Variants in SETDB2 observed in about 807,000 individuals in gnomAD.
SETDB2 encodes the protein histone-lysine N-methyltransferase SETDB2.
Under a neutral mutation model 82.5 loss-of-function variants are expected in SETDB2, and 56 were observed. The observed-to-expected ratio is 0.68, with a 90% CI of 0.55 to 0.85. The LOEUF (loss-of-function observed/expected upper bound fraction) is 0.85, where lower values mean the gene tolerates loss of function less well. Among genes scored for constraint, SETDB2 ranks in the 40% least tolerant of loss-of-function variants. The pLI, the probability that SETDB2 is intolerant of heterozygous loss-of-function variation, is 0.00. For missense variants in SETDB2, 677 were observed against 816.4 expected (o/e 0.83, Z 2.08); for synonymous variants, 272 against 284.9 (o/e 0.95, Z 0.46).
Position 49,492,034 on chromosome 13 carries a change from C to T in SETDB2, c.*185C>T, listed in dbSNP as rs1384567785. The T allele has an allele frequency of 4.7e-6, 3 of 640,470 alleles. No individual in the cohort carries two copies. Among genetic ancestry groups the T allele is most frequent in the Non-Finnish European group, 8.5e-6 (3 of 352,612 alleles). 39.7% of individuals were successfully genotyped at this position (640,470 alleles called of 1,614,324 possible). On this transcript the variant is annotated 3_prime_UTR_variant, in exon 14 of 14. Transcript: ENST00000611815. ...GGAACACAATTAGGATATTTTCATA[C>T]ACATAGGGTATCTTGTTCACTGCTG...
chr13:49,483,436 T>TA (rs772467825), intron 9 of SETDB2, 28 bp from the exon 10 acceptor site: 1 of 927,986 alleles, frequency 1.1e-6, no homozygotes, highest in Admixed American at 2.8e-5. Flanking sequence ...TTTTTAGTGA[T>TA]ACAGAATAAC....
At chr13:49,489,596 C>CT (rs58715452) in intron 12 of SETDB2, among the ~76,000 whole-genome samples, 6,471 of 100,482 alleles carry the variant, frequency 0.064, 848 homozygotes, top group African/African-American at 0.17. Flanking sequence ...CATATTTATT[C>CT]TTTTTTTTTT....
rs1957789778 is a variant in SETDB2, at chr13:49,451,753, T to A, written c.-141T>A. 1 of 511,378 alleles carries A rather than the reference T, an allele frequency of 2.0e-6. No individual in the cohort carries two copies. Among genetic ancestry groups the A allele is most frequent in the Admixed American group, 4.1e-5 (1 of 24,502 alleles). The allele number at this position is 511,378 out of a possible 1,614,324, so 31.7% of individuals were successfully genotyped here. A position where few individuals can be genotyped will look rare whatever the true frequency, so the allele number is the denominator to read the frequency against. ...TTCAAGTATCAAAGGATACCAGGTT[T>A]AGAATGGTATAATGATGTATTTTGT... On this transcript the variant is annotated 5_prime_UTR_variant, in exon 2 of 14. Transcript: ENST00000611815.
Position 49,467,855 on chromosome 13 carries a change from T to A in SETDB2, c.209-9T>A, listed in dbSNP as rs754226402. ...GTATATTTGTTGCTCACATTATTTT[T>A]TTGTGTAGATCCTATGCCTGTGACT... is the stretch of plus-strand genomic sequence containing the variant. On this transcript the variant is annotated splice_polypyrimidine_tract_variant and intron_variant, in intron 4 of 13. Transcript: ENST00000611815. 9 of 1,592,508 alleles carry A rather than the reference T, an allele frequency of 5.7e-6. No homozygotes were observed. Among genetic ancestry groups the A allele is most frequent in the Non-Finnish European group, 7.7e-6 (9 of 1,170,870 alleles).
intron 5 of SETDB2, 114 bp from the exon 6 acceptor site, chr13:49,476,362 T>C: frequency 1.4e-6 from 1 of 740,098 alleles, no homozygotes; most frequent in Non-Finnish European, 2.2e-6. Context: ...ATGTGTATCT[T>C]AGAGTCTGGC....
At chr13:49,459,486 T>C (rs1957951895) in intron 2 of SETDB2, among the ~76,000 whole-genome samples, 1 of 152,230 alleles carries the variant, frequency 6.6e-6, no homozygotes, top group African/African-American at 2.4e-5. Flanking sequence ...TTTGTTACTT[T>C]TAAACGCGAA....
chr13:49,470,935 TG>T (rs1335196522), intron 5 of SETDB2, among the ~76,000 whole-genome samples: 1 of 147,288 alleles, frequency 6.8e-6, no homozygotes, highest in Non-Finnish European at 1.5e-5. Flanking sequence ...GGTGTTTTTT[TG>T]TGGGGTTTTT....
In SETDB2 at chr13:49,444,458, G is replaced by A. The variant is rs1184593830; in HGVS notation, c.-741G>A. 5.6e-6 allele frequency: 1 copy of A among 179,154 alleles called. No individual in the cohort carries two copies. Among genetic ancestry groups the A allele is most frequent in the Non-Finnish European group, 1.2e-5 (1 of 81,966 alleles). 11.1% of individuals were successfully genotyped at this position (179,154 alleles called of 1,614,324 possible). A position where few individuals can be genotyped will look rare whatever the true frequency, so the allele number is the denominator to read the frequency against. ...CCCAGCCTTGCCAACGGAGCTGGCG[G>A]AGCTCACTCCTCAGGTCAGGCGGGC... is the stretch of plus-strand genomic sequence containing the variant. On this transcript the variant is annotated 5_prime_UTR_variant, in exon 1 of 14. Coordinates refer to ENST00000611815, the MANE Select transcript of SETDB2 (RefSeq NM_001160308.3).
intron 5 of SETDB2, 119 bp from the exon 6 acceptor site, chr13:49,476,357 T>A (rs1958361587): frequency 1.4e-6 from 1 of 710,274 alleles, no homozygotes; most frequent in Non-Finnish European, 2.3e-6. Flanking sequence ...TTAAAATGTG[T>A]ATCTTAGAGT....
At position 49,460,251 on chromosome 13, in the gene SETDB2, T is replaced by C; in HGVS notation, c.142+19T>C. ...AATAAAGGTATGAAGCAATAAAAAC[T>C]TTGAATATGTTTAATACTAAATATT... On this transcript the variant is annotated intron_variant, in intron 3 of 13. Transcript: ENST00000611815. 6.2e-7 allele frequency: 1 copy of C among 1,607,782 alleles called. No homozygotes were observed. Among genetic ancestry groups the C allele is most frequent in the Non-Finnish European group, 8.5e-7 (1 of 1,177,982 alleles).
intron 4 of SETDB2, among the ~76,000 whole-genome samples, chr13:49,463,455 T>C (rs1469828379): frequency 6.6e-6 from 1 of 152,148 alleles, no homozygotes; most frequent in Admixed American, 6.6e-5. Context: ...AAGACAGCAC[T>C]TGACTTTTAT....
chr13:49,491,959 T>C lies in SETDB2; in HGVS notation c.*110T>C. On this transcript the variant is annotated 3_prime_UTR_variant, in exon 14 of 14. Transcript: ENST00000611815. Reference sequence around the variant, plus strand: ...AATTCCCCTCCGTTTTCCTTTGTCATGGGGTTTATGTTTTATTTCAGATTT... The same window carrying C: ...AATTCCCCTCCGTTTTCCTTTGTCACGGGGTTTATGTTTTATTTCAGATTT... The C allele has an allele frequency of 1.3e-6, 1 of 786,374 alleles. No homozygotes were observed. 48.7% of individuals were successfully genotyped at this position (786,374 alleles called of 1,614,324 possible).
intron 12 of SETDB2, 42 bp from the exon 13 acceptor site, chr13:49,490,779 CT>C: frequency 6.9e-7 from 1 of 1,453,368 alleles, no homozygotes; most frequent in Non-Finnish European, 9.6e-7. Context: ...AGGCATCAGA[CT>C]TTATGCTATT....
intron 4 of SETDB2, among the ~76,000 whole-genome samples, chr13:49,464,217 T>G (rs1958055813): frequency 6.6e-6 from 1 of 152,316 alleles, no homozygotes; most frequent in South Asian, 2.1e-4. Flanking sequence ...CTTCCTCTGC[T>G]CTCCCTGATT....
rs1185302077 is a variant in SETDB2, at chr13:49,492,472, G to A, written c.*623G>A. ...AAGATTCTGGCAAGCTCTTTGAAAT[G>A]AGTCTTCTTTCCCACAGATTTTCTC... On this transcript the variant is annotated 3_prime_UTR_variant, in exon 14 of 14. Coordinates refer to ENST00000611815, the MANE Select transcript of SETDB2 (RefSeq NM_001160308.3). 1 of 152,500 alleles carries A rather than the reference G, an allele frequency of 6.6e-6. No individual in the cohort carries two copies. Among genetic ancestry groups the A allele is most frequent in the East Asian group, 1.9e-4 (1 of 5,204 alleles). 9.4% of individuals were successfully genotyped at this position (152,500 alleles called of 1,614,324 possible).
intron 4 of SETDB2, chr13:49,463,930 A>G (rs1479887523): frequency 2.0e-5 from 14 of 702,962 alleles, no homozygotes; most frequent in South Asian, 1.2e-4. Context: ...GGCTGTGCCT[A>G]TTGCTGCCTC....
In SETDB2 at chr13:49,451,800, G is replaced by T; in HGVS notation, c.-94G>T. The T allele has an allele frequency of 1.0e-6, 1 of 958,250 alleles. No homozygotes were observed. 59.4% of individuals were successfully genotyped at this position (958,250 alleles called of 1,614,324 possible). ...TTGTCTGAGGACTGCAAATTTTATA[G>T]AGACCACAGTTGGATTCCAGTGATA... On this transcript the variant is annotated 5_prime_UTR_variant, in exon 2 of 14. Coordinates refer to ENST00000611815, the MANE Select transcript of SETDB2 (RefSeq NM_001160308.3).
Position 49,488,306 on chromosome 13 carries a change from C to T in SETDB2, c.1593C>T (p.Asn531=). The change falls in exon 12 of 14, where the codon AAC becomes AAT. Residue 531 remains asparagine, a synonymous_variant. Transcript: ENST00000611815. ...GTCTATTAGAGGACTCAAGTTCAAA[C>T]CATGTTGATGAGTTTGAAGATAATC... is the stretch of plus-strand genomic sequence containing the variant. The part of the protein sequence containing the change: ...TKGAQKDSSS[N]HVDEFEDNLL... 1 of 1,586,016 alleles carries T rather than the reference C, an allele frequency of 6.3e-7. No individual in the cohort carries two copies. The highest frequency in any genetic ancestry group is 8.5e-7 in the Non-Finnish European group (1 of 1,171,412).
intron 5 of SETDB2, among the ~76,000 whole-genome samples, chr13:49,473,150 A>C (rs945047370): frequency 1.3e-5 from 2 of 152,184 alleles, no homozygotes; most frequent in Admixed American, 6.6e-5. Flanking sequence ...TCTCTCTCAC[A>C]TATATCCTGA....
Sources: gnomAD v4.1 joint callset for allele counts (sites outside exome capture counted in the v4.1 genomes callset) on GRCh38, gnomAD v4.1.1 for gene constraint, MANE v1.5 for transcripts, NCBI Gene and HGNC (gene_info 2026-07-23, HGNC 2026-07-21) for gene names.